SELENOS: variants seen among roughly 807,000 people sequenced by gnomAD.
The protein encoded by SELENOS is VCP interacting membrane selenoprotein.
A neutral mutation model predicts 30.2 loss-of-function variants in SELENOS; 37 were observed. The observed-to-expected ratio is 1.23, with a 90% confidence interval of 0.94 to 1.61. SELENOS has a LOEUF of 1.61. SELENOS is among the 40% of genes most tolerant of loss of function. The pLI is 0.00. For synonymous variants in SELENOS, 119 were observed against 91.6 expected (o/e 1.30, Z -1.71); for missense variants, 289 against 231.8 (o/e 1.25, Z -1.60).
At chr15:101,274,914 A>C (rs911091133) in intron 3 of SELENOS, 2 of 592,298 alleles carry the variant, frequency 3.4e-6, no homozygotes, top group African/African-American at 3.8e-5. Flanking sequence ...AAGATTACTG[A>C]CTCCATTCTT....
chr15:101,276,369 C>A, intron 2 of SELENOS, 172 bp downstream of exon 2: 1 of 824,392 alleles, frequency 1.2e-6, no homozygotes, highest in South Asian at 2.5e-5. Flanking sequence ...CCGCCTCAGC[C>A]TCCTGAGCAG....
chr15:101,275,147 G>A (rs2039309636), intron 3 of SELENOS, 108 bp downstream of exon 3: 1 of 883,676 alleles, frequency 1.1e-6, no homozygotes, highest in South Asian at 1.9e-5. Context: ...AATCTAATGG[G>A]ATAGGACCTG....
intron 1 of SELENOS, chr15:101,277,039 G>T (rs893062420): frequency 3.0e-5 from 18 of 593,378 alleles, no homozygotes; most frequent in Admixed American, 2.9e-4. Context: ...GGGCTGTGTG[G>T]GACGGGTCCC....
intron 5 of SELENOS, among the ~76,000 whole-genome samples, chr15:101,273,952 T>C (rs1012676916): frequency 6.6e-6 from 1 of 152,226 alleles, no homozygotes; most frequent in Non-Finnish European, 1.5e-5. Flanking sequence ...GTGAGTCCCA[T>C]CTTCCCAGAT....
At chr15:101,270,969 A>G (rs2141294697), downstream of SELENOS, 1 of 152,290 alleles carries the variant, frequency 6.6e-6, no homozygotes, top group East Asian at 1.9e-4. Flanking sequence ...CTCCCCATGG[A>G]AAAAAATCAG....
At chr15:101,273,071 G>C (rs1347682918) in intron 5 of SELENOS, among the ~76,000 whole-genome samples, 1 of 151,128 alleles carries the variant, frequency 6.6e-6, no homozygotes, top group African/African-American at 2.4e-5. Context: ...GGGGAAAAAA[G>C]TCATTCAGCT....
chr15:101,274,988 C>G (rs1217008144), intron 3 of SELENOS: 3 of 569,670 alleles, frequency 5.3e-6, no homozygotes, highest in African/African-American at 3.8e-5. Flanking sequence ...TGCACACACA[C>G]ACTCACATGC....
intron 3 of SELENOS, 52 bp from the exon 4 acceptor site, chr15:101,274,733 CAA>C: frequency 6.6e-7 from 1 of 1,525,556 alleles, no homozygotes. Context: ...CCATTTCTCT[CAA>C]AGACAAAGCT....
chr15:101,275,189 G>A (rs2039310117), intron 3 of SELENOS, 66 bp downstream of exon 3: 5 of 1,361,952 alleles, frequency 3.7e-6, no homozygotes, highest in Non-Finnish European at 5.0e-6. Flanking sequence ...CACAGACACA[G>A]GCATCGTTAG....
At chr15:101,276,953 T>A in intron 1 of SELENOS, 1 of 526,008 alleles carries the variant, frequency 1.9e-6, no homozygotes, top group South Asian at 2.2e-5. Flanking sequence ...GAGCAACTAA[T>A]CTGAATCAGG....
At position 101,277,383 on chromosome 15, in the gene SELENOS, G is replaced by C; in HGVS notation, c.35C>G (p.Pro12Arg). 6.6e-7 allele frequency: 1 copy of C among 1,505,916 alleles called. No homozygotes were observed. Among genetic ancestry groups the C allele is most frequent in the Non-Finnish European group, 8.8e-7 (1 of 1,134,952 alleles). 93.3% of individuals were successfully genotyped at this position (1,505,916 alleles called of 1,614,324 possible). A position where few individuals can be genotyped will look rare whatever the true frequency, so the allele number is the denominator to read the frequency against. The change falls in exon 1 of 6, where the codon CCG (proline) becomes CGG (arginine). Residue 12 changes from proline to arginine, a missense_variant. Physicochemically the swap from Pro to Arg is moderately radical, Grantham distance 103 (BLOSUM62 -2). Transcript: ENST00000526049. ...GCGCAGCCCCTCGGTCTCCAGGGCC[G>C]GCCGCGCGGACAGAGACTCCTCTTG... ...ERQEESLSAR[P>R]ALETEGLRFL...
intron 2 of SELENOS, 86 bp from the exon 3 acceptor site, chr15:101,275,447 A>T: frequency 3.6e-6 from 4 of 1,114,926 alleles, no homozygotes; most frequent in Non-Finnish European, 5.0e-6. Flanking sequence ...TAAAAGTATA[A>T]AGAGGTATGG....
In SELENOS at chr15:101,277,449, C is replaced by G; in HGVS notation, c.-32G>C. 7.0e-7 allele frequency: 1 copy of G among 1,424,020 alleles called. No homozygotes were observed. Among genetic ancestry groups the G allele is most frequent in the Non-Finnish European group, 9.1e-7 (1 of 1,097,828 alleles). 88.2% of individuals were successfully genotyped at this position (1,424,020 alleles called of 1,614,324 possible). ...CGCCGCCGCCGCCGCCCAGCCCTGC[C>G]GCCGCGCCTCCAGCCGGGCGCTTCC... On this transcript the variant is annotated 5_prime_UTR_variant, in exon 1 of 6. Coordinates refer to ENST00000526049, the MANE Select transcript of SELENOS (RefSeq NM_018445.6).
downstream of SELENOS, among the ~76,000 whole-genome samples, chr15:101,271,880 G>A (rs1231377246): frequency 6.6e-6 from 1 of 152,196 alleles, no homozygotes; most frequent in East Asian, 1.9e-4. Context: ...TATGTGGCCT[G>A]TAAAGTCTAA....
At position 101,274,515 on chromosome 15, in the gene SELENOS, A is replaced by G; in HGVS notation, c.409-20T>C. ...TTCCTCCTGTTTGAACACACACAGT[A>G]GTGTAAGAAGCAATTAAAACATTCT... On this transcript the variant is annotated intron_variant, in intron 4 of 5. Coordinates refer to ENST00000526049, the MANE Select transcript of SELENOS (RefSeq NM_018445.6). 1 of 1,607,064 alleles carries G rather than the reference A, an allele frequency of 6.2e-7. No individual in the cohort carries two copies. Among genetic ancestry groups the G allele is most frequent in the Non-Finnish European group, 8.5e-7 (1 of 1,176,302 alleles).
rs1165556040 is a variant in SELENOS, at chr15:101,274,400, T to G, written c.484+20A>C. 8 of 1,597,364 alleles carry G rather than the reference T, an allele frequency of 5.0e-6. No homozygotes were observed. The highest frequency in any genetic ancestry group is 1.3e-5 in the African/African-American group (1 of 74,694). ...GTAAGTGTTGAAAATCTGTTAACAT[T>G]TGACATCAGTGGTGCTTACCTCCTC... On this transcript the variant is annotated intron_variant, in intron 5 of 5. Coordinates refer to ENST00000526049, the MANE Select transcript of SELENOS (RefSeq NM_018445.6).
Position 101,272,805 on chromosome 15 carries a change from C to T in SELENOS, c.536G>A (p.Gly179Glu). 1 of 1,610,582 alleles carries T rather than the reference C, an allele frequency of 6.2e-7. No individual in the cohort carries two copies. Among genetic ancestry groups the T allele is most frequent in the Non-Finnish European group, 8.5e-7 (1 of 1,178,504 alleles). The change falls in exon 6 of 6, where the codon GGA (glycine) becomes GAA (glutamate). Residue 179 changes from glycine (G) to glutamate (E), a missense_variant. Gly to Glu is a moderately conservative substitution (Grantham distance 98, BLOSUM62 -2). Coordinates refer to ENST00000526049, the MANE Select transcript of SELENOS (RefSeq NM_018445.6). Reference protein sequence around the residue: ...EGGGACSWRPGRRGPSSGGUG With the variant: ...EGGGACSWRPERRGPSSGGUG ...TCCGCCAGATGACGGGCCTCTGCGT[C>T]CAGGTCTCCAGGAGCAAGCTCCGCC... is the stretch of plus-strand genomic sequence containing the variant.
Position 101,274,579 on chromosome 15 carries a change from G to C in SELENOS, c.408+13C>G. The C allele has an allele frequency of 3.1e-6, 5 of 1,613,160 alleles. No homozygotes were observed. The highest frequency in any genetic ancestry group is 4.2e-6 in the Non-Finnish European group (5 of 1,179,460). On this transcript the variant is annotated intron_variant, in intron 4 of 5. Coordinates refer to ENST00000526049, the MANE Select transcript of SELENOS (RefSeq NM_018445.6). ...CATCTACCGCATGCCAGCCGGCCGA[G>C]GTCTCCAGTCACCTGGGGCTTCTTT...
intron 1 of SELENOS, 99 bp downstream of exon 1, chr15:101,277,243 C>T (rs1487056912): frequency 1.4e-5 from 22 of 1,518,172 alleles, no homozygotes; most frequent in Middle Eastern, 1.7e-4. Context: ...CCCAGGCCTC[C>T]CAGGCTCCGG....
Sources: gnomAD v4.1 joint callset for allele counts (sites outside exome capture counted in the v4.1 genomes callset) on GRCh38, gnomAD v4.1.1 for gene constraint, MANE v1.5 for transcripts, NCBI Gene and HGNC (gene_info 2026-07-23, HGNC 2026-07-21) for gene names.